The following GLI3 variants were observed in gnomAD, a reference collection of about 807,000 sequenced individuals.
The protein encoded by GLI3 is transcription activator GLI3.
Under a neutral mutation model 100.8 loss-of-function variants are expected in GLI3, and 20 were observed. The observed-to-expected ratio is 0.20, with a 90% CI of 0.14 to 0.29. The LOEUF (loss-of-function observed/expected upper bound fraction) is 0.29. Ranked by LOEUF, GLI3 falls within the 10% of genes least tolerant of loss-of-function variation. The pLI, the probability that GLI3 is intolerant of heterozygous loss-of-function variation, is 1.00. For missense variants in GLI3, 2,040 were observed against 2,128.5 expected, an observed-to-expected ratio of 0.96 and a Z score of 0.82; for synonymous variants, 938 against 860.5, an observed-to-expected ratio of 1.09 and a Z score of -1.58.
intron 2 of GLI3, among the ~76,000 whole-genome samples, chr7:42,211,830 C>A (rs1261248758): frequency 1.3e-5 from 2 of 152,298 alleles, no homozygotes; most frequent in Admixed American, 1.3e-4. Flanking sequence ...TCAGAGCAGT[C>A]CTCAAAATGA....
At chr7:42,142,775 CAA>C (rs776578172) in intron 3 of GLI3, among the ~76,000 whole-genome samples, 3 of 131,512 alleles carry the variant, frequency 2.3e-5, no homozygotes, top group Admixed American at 7.7e-5. Context: ...CTAAAAAATA[CAA>C]AAAAAAAAAA....
chr7:42,067,873 G>C (rs1784707160), intron 4 of GLI3, among the ~76,000 whole-genome samples: 2 of 152,224 alleles, frequency 1.3e-5, no homozygotes, highest in Non-Finnish European at 2.9e-5. Context: ...TCCATTCCCT[G>C]TAAGAGTCCC....
intron 2 of GLI3, among the ~76,000 whole-genome samples, chr7:42,183,181 G>GC (rs1347022805): frequency 6.6e-6 from 1 of 152,040 alleles, no homozygotes; most frequent in African/African-American, 2.4e-5. Context: ...CCGAGATTGC[G>GC]CCATGGCACT....
At chr7:42,155,450 A>AG (rs201901021) in intron 2 of GLI3, among the ~76,000 whole-genome samples, 7,262 of 152,078 alleles carry the variant, frequency 0.048, 621 homozygotes, top group African/African-American at 0.17. Context: ...CAAAAAAAAA[A>AG]AAAGAAAGAA....
chr7:42,251,134 CA>C (rs1789026449), intron 1 of GLI3, among the ~76,000 whole-genome samples: 1 of 152,304 alleles, frequency 6.6e-6, no homozygotes, highest in African/African-American at 2.4e-5. Flanking sequence ...TGTCCTGGGG[CA>C]ACACTGGGCC....
chr7:42,182,660 A>ATATATATACGTGTGTG lies in GLI3; in HGVS notation c.125-34193_125-34192insCACACACGTATATATA, dbSNP rs1554337054. Among the ~76,000 whole-genome samples the ATATATATACGTGTGTG allele has an allele frequency of 2.4e-3, 143 of 59,098 alleles. 1 individual carries two copies. The highest frequency in any genetic ancestry group is 3.7e-3 in the Non-Finnish European group (112 of 30,396). 38.8% of individuals were successfully genotyped at this position (59,098 alleles called of 152,430 possible). A position where few individuals can be genotyped will look rare whatever the true frequency, so the allele number is the denominator to read the frequency against. Reference sequence around the variant, plus strand: ...TATGTGTGTGTATATATATATATATATATATATATATATATATATATACAC... The same window carrying ATATATATACGTGTGTG: ...TATGTGTGTGTATATATATATATATATATATATACGTGTGTGTATATATATATATATATATATACAC... On this transcript the variant is annotated intron_variant, in intron 2 of 14. Transcript: ENST00000395925.
chr7:42,115,810 A>C (rs946685963), intron 3 of GLI3, among the ~76,000 whole-genome samples: 1 of 152,154 alleles, frequency 6.6e-6, no homozygotes, highest in Non-Finnish European at 1.5e-5. Flanking sequence ...CCCCTCTGAG[A>C]GTGGGAAGGA....
chr7:42,232,699 T>C (rs1391154103), intron 1 of GLI3, among the ~76,000 whole-genome samples: 1 of 152,242 alleles, frequency 6.6e-6, no homozygotes, highest in Non-Finnish European at 1.5e-5. Context: ...AAGTGCCATA[T>C]ATGAGAGTAC....
chr7:42,242,079 T>A (rs141646464), upstream of GLI3, among the ~76,000 whole-genome samples: 1 of 152,218 alleles, frequency 6.6e-6, no homozygotes, highest in Non-Finnish European at 1.5e-5. Flanking sequence ...TTCACCTGTC[T>A]CTTCTATCCC....
chr7:42,138,629 G>C lies in GLI3; in HGVS notation c.367+9597C>G, dbSNP rs1786487477. 2.0e-5 allele frequency among the ~76,000 whole-genome samples: 3 copies of C among 152,220 alleles called. No individual in the cohort carries two copies. In the South Asian group the frequency reaches 6.2e-4, roughly 32 times the overall value. On this transcript the variant is annotated intron_variant, in intron 3 of 14. Coordinates refer to ENST00000395925, the MANE Select transcript of GLI3 (RefSeq NM_000168.6). ...AGACACAGGGGTAGGGGAAGGGAAA[G>C]GAAATGTGAAATCTTGCCCCATTTG...
At chr7:42,110,714 G>C (rs902094924) in intron 3 of GLI3, among the ~76,000 whole-genome samples, 1 of 152,158 alleles carries the variant, frequency 6.6e-6, no homozygotes, top group Non-Finnish European at 1.5e-5. Context: ...TTAAAGTAGA[G>C]CACATACTAA....
At chr7:42,217,086 G>T (rs1384914167) in intron 2 of GLI3, among the ~76,000 whole-genome samples, 1 of 152,184 alleles carries the variant, frequency 6.6e-6, no homozygotes, top group Non-Finnish European at 1.5e-5. Flanking sequence ...GAGATGAAAG[G>T]CAAGGTGATT....
At chr7:42,175,053 A>G (rs1474489703) in intron 2 of GLI3, among the ~76,000 whole-genome samples, 2 of 152,016 alleles carry the variant, frequency 1.3e-5, no homozygotes, top group African/African-American at 2.4e-5. Flanking sequence ...TTACAGTCGC[A>G]CCTTGTGCAA....
intron 2 of GLI3, among the ~76,000 whole-genome samples, chr7:42,201,778 A>T (rs1051131008): frequency 2.6e-5 from 4 of 152,154 alleles, no homozygotes; most frequent in Non-Finnish European, 4.4e-5. Context: ...AAACATAGGA[A>T]AAGTACAGTA....
intron 7 of GLI3, among the ~76,000 whole-genome samples, chr7:42,028,593 G>T (rs1208537319): frequency 6.6e-6 from 1 of 151,892 alleles, no homozygotes; most frequent in Non-Finnish European, 1.5e-5. Flanking sequence ...GCGAAACCTC[G>T]TTTCTACTAA....
chr7:42,002,248 A>G (rs774009317), intron 10 of GLI3, among the ~76,000 whole-genome samples: 7 of 152,216 alleles, frequency 4.6e-5, no homozygotes, highest in Non-Finnish European at 8.8e-5. Flanking sequence ...GAGAATTGTT[A>G]AAAAATAAAC....
rs765371186 is a variant in GLI3, at chr7:41,978,579, C to T, written c.1647+20G>A. ...ATGGGGAAGGACCCAAGTGTGCCTG[C>T]CACCCACTTCTGTACTCACAGTGCA... On this transcript the variant is annotated intron_variant, in intron 11 of 14. Coordinates refer to ENST00000395925, the MANE Select transcript of GLI3 (RefSeq NM_000168.6). 6.2e-7 allele frequency: 1 copy of T among 1,612,098 alleles called. No homozygotes were observed. The highest frequency in any genetic ancestry group is 8.5e-7 in the Non-Finnish European group (1 of 1,178,274).
intron 4 of GLI3, among the ~76,000 whole-genome samples, chr7:42,054,869 G>A (rs1282367379): frequency 2.6e-5 from 4 of 151,448 alleles, no homozygotes; most frequent in Non-Finnish European, 5.9e-5. Flanking sequence ...CACTCCTACA[G>A]TCCCAGTCCC....
At chr7:42,226,061 A>G (rs902262346) in intron 1 of GLI3, among the ~76,000 whole-genome samples, 1 of 152,246 alleles carries the variant, frequency 6.6e-6, no homozygotes, top group Non-Finnish European at 1.5e-5. Context: ...GAAAACTGGC[A>G]AATTCTATAA....
Sources: allele counts gnomAD v4.1 joint callset (sites outside exome capture counted in the v4.1 genomes callset), GRCh38; gene constraint gnomAD v4.1.1; transcripts MANE v1.5; gene names NCBI Gene and HGNC (gene_info 2026-07-23, HGNC 2026-07-21).